CUL2: variants seen among roughly 807,000 people sequenced by gnomAD.
CUL2 encodes the protein cullin-2.
Under a neutral mutation model 110.2 loss-of-function variants are expected in CUL2, and 22 were observed. That is an observed-to-expected ratio of 0.20 (90% confidence interval 0.14 to 0.28). CUL2 has a LOEUF of 0.28. Ranked by LOEUF, CUL2 falls within the 10% of genes least tolerant of loss-of-function variation. CUL2 has a pLI of 1.00. For synonymous variants in CUL2, 279 were observed against 293.2 expected (o/e 0.95, Z 0.49); for missense variants, 631 against 905.5 (o/e 0.70, Z 3.89).
chr10:35,116,491 T>C (rs2087603928), intron 1 of CUL2, among the ~76,000 whole-genome samples: 3 of 152,214 alleles, frequency 2.0e-5, no homozygotes, highest in Admixed American at 1.3e-4. Context: ...ATTGTTTCTC[T>C]CTGATGATGT....
In CUL2 at chr10:35,071,345, A is replaced by G; in HGVS notation, c.-22-6T>C. The stretch of plus-strand genomic sequence containing the variant: ...TGCAAGTGTAGTGTTGAAATCTGTC[A>G]ATTAAAAAACAATAACAATGTTAGC... On this transcript the variant is annotated splice_polypyrimidine_tract_variant and splice_region_variant and intron_variant, in intron 1 of 20. Transcript: ENST00000374749. 6.2e-7 allele frequency: 1 copy of G among 1,600,292 alleles called. No individual in the cohort carries two copies.
intron 1 of CUL2, among the ~76,000 whole-genome samples, chr10:35,117,363 G>C (rs1044450411): frequency 1.3e-5 from 2 of 152,086 alleles, no homozygotes; most frequent in African/African-American, 2.4e-5. Flanking sequence ...CAGCTCTCGA[G>C]TATTGGGACT....
intron 1 of CUL2, among the ~76,000 whole-genome samples, chr10:35,079,221 C>A (rs920179691): frequency 1.1e-4 from 17 of 152,204 alleles, no homozygotes; most frequent in Non-Finnish European, 2.1e-4. Context: ...TGACCATGGT[C>A]TCTCAGAATA....
chr10:35,023,288 A>T (rs2085249844), intron 17 of CUL2, among the ~76,000 whole-genome samples: 1 of 152,208 alleles, frequency 6.6e-6, no homozygotes, highest in Non-Finnish European at 1.5e-5. Flanking sequence ...TTTCACTGAT[A>T]GGTCACAGGT....
intron 17 of CUL2, among the ~76,000 whole-genome samples, chr10:35,021,791 TGAGGTGGGGTGAGGAGAGGC>T (rs1564699120): frequency 1.5e-5 from 2 of 134,848 alleles, no homozygotes; most frequent in Non-Finnish European, 3.2e-5. Context: ...CCAGCTTACG[TGAGGTGGGGTGAGGAGAGGC>T]GAGGTGGGGT....
At position 35,035,277 on chromosome 10, in the gene CUL2, G is replaced by T. The variant is rs1228992414; in HGVS notation, c.897C>A (p.Val299=). The change falls in exon 10 of 21, where the codon GTC becomes GTA. Residue 299 remains valine, a synonymous_variant. Transcript: ENST00000374749. ...AACCAGTGGACACAGCACGGAGTAAGACGTACATATTTGCCATGTCTGAGA... is the reference window on the plus strand; with the variant it reads ...AACCAGTGGACACAGCACGGAGTAATACGTACATATTTGCCATGTCTGAGA... ...EKKNDMANMY[V]LLRAVSTGLP... 6.2e-7 allele frequency: 1 copy of T among 1,614,056 alleles called. No homozygotes were observed. The highest frequency in any genetic ancestry group is 1.7e-5 in the Admixed American group (1 of 60,014).
At chr10:35,067,322 T>C (rs2086558121) in intron 2 of CUL2, among the ~76,000 whole-genome samples, 1 of 152,104 alleles carries the variant, frequency 6.6e-6, no homozygotes, top group Admixed American at 6.6e-5. Flanking sequence ...TAGGAAAATG[T>C]CTACATTATG....
intron 2 of CUL2, among the ~76,000 whole-genome samples, chr10:35,097,035 C>T (rs1366248126): frequency 6.6e-6 from 1 of 152,102 alleles, no homozygotes. Flanking sequence ...GTCTCGAACT[C>T]CTGTCTCCAC....
chr10:35,070,547 A>G (rs12240347), intron 2 of CUL2, among the ~76,000 whole-genome samples: 55,266 of 152,034 alleles, frequency 0.36, 10,109 homozygotes, highest in African/African-American at 0.4. Context: ...ATGGAGGAAC[A>G]CAGGAAACTA....
At chr10:35,032,912 C>T (rs2085513735) in intron 11 of CUL2, among the ~76,000 whole-genome samples, 1 of 152,084 alleles carries the variant, frequency 6.6e-6, no homozygotes, top group South Asian at 2.1e-4. Context: ...CAAAATTATG[C>T]ATGTCTATCC....
Position 35,049,755 on chromosome 10 carries a change from T to G in CUL2, c.434A>C (p.Asp145Ala). ...PLMEIGELAL[D>A]MWRKLMVEPL... ...TTCAACCATCAATTTCCTCCACATA[T>G]CCAATGCTAGCTGCCGGGAAAAACG... is the stretch of plus-strand genomic sequence containing the variant. Residue 145 changes from aspartate to alanine, a missense_variant, in exon 6 of 21, where the codon GAT (aspartate) becomes GCT (alanine). Asp to Ala is a moderately radical substitution (Grantham distance 126, BLOSUM62 -2). Transcript: ENST00000374749. 6.2e-7 allele frequency: 1 copy of G among 1,612,406 alleles called. No individual in the cohort carries two copies. The highest frequency in any genetic ancestry group is 1.3e-5 in the African/African-American group (1 of 74,950).
At position 35,038,981 on chromosome 10, in the gene CUL2, T is replaced by C. The variant is rs745687629; in HGVS notation, c.816A>G (p.Ala272=). 1.9e-6 allele frequency: 3 copies of C among 1,610,386 alleles called. No homozygotes were observed. Among genetic ancestry groups the C allele is most frequent in the Admixed American group, 3.3e-5 (2 of 59,732 alleles). The change falls in exon 9 of 21, where the codon GCA becomes GCG. Residue 272 remains alanine (A), a synonymous_variant. Coordinates refer to ENST00000374749, the MANE Select transcript of CUL2 (RefSeq NM_003591.4). ...CTGCATGTAAAAACTGTAAGTGGTC[T>C]GCTACCATTCGTTGTTGACATTCAT... ...VIHECQQRMV[A]DHLQFLHAEC...
chr10:35,018,485 C>T (rs376398984), intron 17 of CUL2, among the ~76,000 whole-genome samples: 3 of 149,830 alleles, frequency 2.0e-5, no homozygotes, highest in Admixed American at 6.7e-5. Context: ...GATTTTAGGC[C>T]GGGCGCAGTG....
At position 35,097,421 on chromosome 10, in the gene CUL2, T is replaced by C. The variant is rs143565298; in HGVS notation, c.167+3423A>G. On this transcript the variant is annotated intron_variant, in intron 2 of 5. Coordinates refer to the CUL2 transcript ENST00000685421. ...GGAAGGATTGCTTGAGTTCAGGAGA[T>C]TGAGATTGCAGTGAACTGTGATCGC... Among the ~76,000 whole-genome samples the C allele has an allele frequency of 6.0e-3, 905 of 149,808 alleles. 11 individuals are homozygous for C. Among genetic ancestry groups the C allele is most frequent in the African/African-American group, 0.021 (858 of 40,640 alleles).
intron 17 of CUL2, 122 bp downstream of exon 17, chr10:35,025,010 G>A (rs1386051100): frequency 2.5e-5 from 32 of 1,288,654 alleles, no homozygotes; most frequent in African/African-American, 6.2e-5. Flanking sequence ...TGCTTTAATG[G>A]GGAAAGGTTG....
chr10:35,051,537 G>A (rs988254709), intron 5 of CUL2, among the ~76,000 whole-genome samples: 2 of 150,874 alleles, frequency 1.3e-5, no homozygotes, highest in South Asian at 2.1e-4. Flanking sequence ...GGCGTGAACC[G>A]GCCGGGCGGA....
In CUL2 at chr10:35,009,444, C is replaced by A. The variant is rs1385879639; in HGVS notation, c.*867G>T. ...AGATTTCCTAAGACTCAGGGAAGGCCACAGAGCTAGGGTACTAGTCTATGC... is the reference window on the plus strand; with the variant it reads ...AGATTTCCTAAGACTCAGGGAAGGCAACAGAGCTAGGGTACTAGTCTATGC... On this transcript the variant is annotated 3_prime_UTR_variant, in exon 21 of 21. Transcript: ENST00000374749. The A allele has an allele frequency of 6.6e-6, 1 of 151,752 alleles. No individual in the cohort carries two copies. Among genetic ancestry groups the A allele is most frequent in the African/African-American group, 2.4e-5 (1 of 41,308 alleles). The allele number at this position is 151,752 out of a possible 1,614,324, so 9.4% of individuals were successfully genotyped here.
intron 6 of CUL2, among the ~76,000 whole-genome samples, chr10:35,048,553 GTA>G (rs1443220528): frequency 6.6e-6 from 1 of 152,160 alleles, no homozygotes; most frequent in East Asian, 1.9e-4. Context: ...AGAAAAGTTA[GTA>G]TATTTTAGCA....
At chr10:35,039,722 G>A (rs1009841104) in intron 8 of CUL2, among the ~76,000 whole-genome samples, 7 of 151,228 alleles carry the variant, frequency 4.6e-5, no homozygotes, top group African/African-American at 1.2e-4. Flanking sequence ...AAAATTAGCC[G>A]GGCATGCCTG....
Sources: allele counts gnomAD v4.1 joint callset (sites outside exome capture counted in the v4.1 genomes callset), GRCh38; gene constraint gnomAD v4.1.1; transcripts MANE v1.5; gene names NCBI Gene and HGNC (gene_info 2026-07-23, HGNC 2026-07-21).